Variants in FREM2 observed in about 807,000 individuals in gnomAD.
FREM2 encodes FRAS1-related extracellular matrix protein 2.
Under a neutral mutation model 219.9 loss-of-function variants are expected in FREM2, and 119 were observed. The ratio of observed to expected loss-of-function variants is 0.54; its 90% CI spans 0.47 to 0.63. FREM2 has a LOEUF of 0.63. FREM2 is among the 30% of genes least tolerant of loss of function. The pLI is 0.00. For synonymous variants in FREM2, 1,562 were observed against 1,522.8 expected, an observed-to-expected ratio of 1.03 and a Z score of -0.60; for missense variants, 4,030 against 3,993.6, an observed-to-expected ratio of 1.01 and a Z score of -0.25.
At position 38,784,695 on chromosome 13, in the gene FREM2, C is replaced by G. The variant is rs755264064; in HGVS notation, c.5906C>G (p.Ser1969Cys). The change falls in exon 6 of 24, where the codon TCT (serine) becomes TGT (cysteine). Residue 1969 changes from serine to cysteine, a missense_variant. Physicochemically the swap from Ser to Cys is moderately radical, Grantham distance 112. Transcript: ENST00000280481. Reference sequence around the variant, plus strand: ...TGTCGGATAGTCATAATTGATGACTCTTTGTACGAGGAGGAGGAAACCTTC... The same window carrying G: ...TGTCGGATAGTCATAATTGATGACTGTTTGTACGAGGAGGAGGAAACCTTC... ...KLCRIVIIDD[S>C]LYEEEETFHV... 1.9e-6 allele frequency: 3 copies of G among 1,614,118 alleles called. No individual in the cohort carries two copies. The highest frequency in any genetic ancestry group is 2.5e-6 in the Non-Finnish European group (3 of 1,179,988).
intron 1 of FREM2, among the ~76,000 whole-genome samples, chr13:38,696,765 C>G (rs933870046): frequency 2.0e-5 from 3 of 151,118 alleles, no homozygotes; most frequent in African/African-American, 7.3e-5. Flanking sequence ...ACATAAGGAA[C>G]ATTTCTGAGG....
chr13:38,878,800 C>T lies in FREM2; in HGVS notation c.8860-31C>T, dbSNP rs77432257. ...CTGGCAAAAGCCGTGGCATTATCTA[C>T]AGCAATCACCACTTTCCTTACTGCT... On this transcript the variant is annotated intron_variant, in intron 22 of 23. Coordinates refer to ENST00000280481, the MANE Select transcript of FREM2 (RefSeq NM_207361.6). 1.5e-3 allele frequency: 2,419 copies of T among 1,611,672 alleles called. 28 individuals carry two copies. The African/African-American group carries it at 0.028, about 19-fold the overall frequency.
In FREM2 at chr13:38,881,038, G is replaced by A. The variant is rs1673589220; in HGVS notation, c.*251G>A. ...ACTCATATGTACACAGAGCCATGAT[G>A]TGAGGAATGTACTCCTCATTTTAGA... On this transcript the variant is annotated 3_prime_UTR_variant, in exon 24 of 24. Transcript: ENST00000280481. The A allele has an allele frequency of 3.6e-6, 2 of 555,504 alleles. No individual in the cohort carries two copies. The highest frequency in any genetic ancestry group is 3.8e-5 in the African/African-American group (2 of 53,130). 34.4% of individuals were successfully genotyped at this position (555,504 alleles called of 1,614,324 possible).
Position 38,880,910 on chromosome 13 carries a change from A to G in FREM2, c.*123A>G, listed in dbSNP as rs1042221798. The G allele has an allele frequency of 3.6e-6, 4 of 1,124,262 alleles. No homozygotes were observed. Among genetic ancestry groups the G allele is most frequent in the Non-Finnish European group, 5.3e-6 (4 of 760,982 alleles). The allele number at this position is 1,124,262 out of a possible 1,614,324, so 69.6% of individuals were successfully genotyped here. A position where few individuals can be genotyped will look rare whatever the true frequency, so the allele number is the denominator to read the frequency against. On this transcript the variant is annotated 3_prime_UTR_variant, in exon 24 of 24. Transcript: ENST00000280481. ...GCTGTGATGAAGCTGCTTAGAGAAT[A>G]TGACTGTACTAATGGAGTTTGATTT...
At chr13:38,790,282 T>G (rs1874508134) in intron 6 of FREM2, among the ~76,000 whole-genome samples, 1 of 152,268 alleles carries the variant, frequency 6.6e-6, no homozygotes. Flanking sequence ...AATTTCCACT[T>G]TACATCACCT....
intron 4 of FREM2, among the ~76,000 whole-genome samples, chr13:38,775,861 C>A (rs546064498): frequency 6.6e-6 from 1 of 152,120 alleles, no homozygotes; most frequent in Non-Finnish European, 1.5e-5. Context: ...TCAAGTGATC[C>A]GCCTGCCTTG....
rs1869775803 is a variant in FREM2 at position 38,690,396 on chromosome 13, C to A, written c.3052C>A (p.His1018Asn). 1 of 1,614,096 alleles carries A rather than the reference C, an allele frequency of 6.2e-7. No individual in the cohort carries two copies. Among genetic ancestry groups the A allele is most frequent in the Non-Finnish European group, 8.5e-7 (1 of 1,179,980 alleles). Residue 1018 changes from histidine (H) to asparagine (N), a missense_variant, in exon 1 of 24, where the codon CAC becomes AAC. This residue lies in a region of FREM2 where 3,102 missense variants were observed against 2,950.7 expected (regional missense o/e 1.05). Coordinates refer to ENST00000280481, the MANE Select transcript of FREM2 (RefSeq NM_207361.6). ...DILEGSVVYT[H>N]TSGEIGLLPK... ...CTTGGAGGGCTCTGTTGTATATACC[C>A]ACACCAGTGGTGAGATAGGCCTATT...
Position 38,691,671 on chromosome 13 carries a change from C to T in FREM2, c.4327C>T (p.Leu1443=), listed in dbSNP as rs1394756527. The T allele has an allele frequency of 1.9e-6, 3 of 1,614,118 alleles. No homozygotes were observed. The highest frequency in any genetic ancestry group is 4.5e-5 in the East Asian group (2 of 44,868). Residue 1443 remains leucine (L), a synonymous_variant, in exon 1 of 24, where the codon CTA becomes TTA. Transcript: ENST00000280481. ...EGGKVTLTTD[L]LSTSDLNSPD... is the part of the protein sequence containing the mutation. ...TGGCAAAGTCACTCTTACAACAGAC[C>T]TACTAAGCACTAGTGACTTGAACAG...
intron 2 of FREM2, among the ~76,000 whole-genome samples, chr13:38,753,311 C>T (rs1197860841): frequency 6.6e-6 from 1 of 152,088 alleles, no homozygotes; most frequent in Non-Finnish European, 1.5e-5. Flanking sequence ...TTAAAATAGT[C>T]TTATGCTTAA....
At chr13:38,824,804 A>C (rs927160709) in intron 6 of FREM2, among the ~76,000 whole-genome samples, 1 of 152,070 alleles carries the variant, frequency 6.6e-6, no homozygotes, top group Non-Finnish European at 1.5e-5. Flanking sequence ...GGGAAGTTAC[A>C]CCTTATCAGA....
chr13:38,837,765 G>GTTTTTTTT (rs151057502), intron 6 of FREM2, among the ~76,000 whole-genome samples: 2 of 140,536 alleles, frequency 1.4e-5, no homozygotes, highest in African/African-American at 5.2e-5. Flanking sequence ...GCAACCCCTG[G>GTTTTTTTT]TTTTTTTTTG....
At chr13:38,871,390 A>G (rs905510297) in intron 16 of FREM2, among the ~76,000 whole-genome samples, 1 of 152,198 alleles carries the variant, frequency 6.6e-6, no homozygotes, top group African/African-American at 2.4e-5. Context: ...GCCTGACTCA[A>G]ACTTCTATGG....
intron 2 of FREM2, among the ~76,000 whole-genome samples, chr13:38,750,103 C>T (rs1256363389): frequency 5.3e-5 from 8 of 152,152 alleles, no homozygotes. Context: ...AGGACCAAAA[C>T]TCCTCCAAGA....
chr13:38,829,859 T>G (rs1471455433), intron 6 of FREM2, among the ~76,000 whole-genome samples: 1 of 152,094 alleles, frequency 6.6e-6, no homozygotes, highest in African/African-American at 2.4e-5. Flanking sequence ...TTGGCTACTT[T>G]CCATCAGTGA....
intron 6 of FREM2, among the ~76,000 whole-genome samples, chr13:38,840,079 G>A (rs942213283): frequency 6.6e-6 from 1 of 152,174 alleles, no homozygotes; most frequent in Non-Finnish European, 1.5e-5. Context: ...CAGGGCCCTG[G>A]TGGTATAGGC....
intron 6 of FREM2, among the ~76,000 whole-genome samples, chr13:38,824,060 G>C (rs968977952): frequency 2.6e-5 from 4 of 152,092 alleles, no homozygotes; most frequent in African/African-American, 9.7e-5. Context: ...CATTTCAAGT[G>C]ATTATTCAAG....
Position 38,769,582 on chromosome 13 carries a change from T to G in FREM2, c.5415T>G (p.Ile1805Met), listed in dbSNP as rs1438047704. Reference sequence around the variant, plus strand: ...TGATATTATGTTTTTGTGAAGGTATTGGCACAAGAGACAGAACTGCAGAAA... The same window carrying G: ...TGATATTATGTTTTTGTGAAGGTATGGGCACAAGAGACAGAACTGCAGAAA... Reference protein sequence around the residue: ...GYLGETSFISIGTRDRTAEKD... With the variant: ...GYLGETSFISMGTRDRTAEKD... The change falls in exon 4 of 24, where the codon ATT (isoleucine) becomes ATG (methionine). Residue 1805 changes from isoleucine to methionine, a missense_variant. Around this residue, in one of 2 missense-constraint regions of FREM2, gnomAD observed 3,102 missense variants for 2,950.7 expected, o/e 1.05. Coordinates refer to ENST00000280481, the MANE Select transcript of FREM2 (RefSeq NM_207361.6). 1 of 1,612,426 alleles carries G rather than the reference T, an allele frequency of 6.2e-7. No homozygotes were observed. The highest frequency in any genetic ancestry group is 1.3e-5 in the African/African-American group (1 of 74,884).
chr13:38,755,000 T>G (rs1872938217), intron 2 of FREM2, among the ~76,000 whole-genome samples: 1 of 151,604 alleles, frequency 6.6e-6, no homozygotes, highest in Non-Finnish European at 1.5e-5. Context: ...CCTCCCAGGT[T>G]CAAGCAATTC....
At chr13:38,762,325 C>G (rs1873257885) in intron 2 of FREM2, among the ~76,000 whole-genome samples, 1 of 152,174 alleles carries the variant, frequency 6.6e-6, no homozygotes, top group African/African-American at 2.4e-5. Flanking sequence ...CTCTCCAGAA[C>G]AGCACTCAGG....
Sources: allele counts gnomAD v4.1 joint callset (sites outside exome capture counted in the v4.1 genomes callset), GRCh38; gene constraint gnomAD v4.1.1; regional missense constraint gnomAD v4.1.1; transcripts MANE v1.5; gene names NCBI Gene and HGNC (gene_info 2026-07-23, HGNC 2026-07-21).